PCF11: variants seen among roughly 807,000 people sequenced by gnomAD.
The protein encoded by PCF11 is PCF11 cleavage and polyadenylation factor subunit, also known as pre-mRNA cleavage complex 2 protein Pcf11.
In PCF11, 19 loss-of-function variants were observed where a neutral mutation model predicts 166.1. That is an observed-to-expected ratio of 0.11 (90% confidence interval 0.08 to 0.17). The LOEUF is 0.17. Among genes scored for constraint, PCF11 ranks in the 10% least tolerant of loss-of-function variants. The probability of loss-of-function intolerance (pLI) is 1.00; values close to 1 mark genes in which losing one functional copy is unlikely to be tolerated. For missense variants in PCF11, 1,565 were observed against 1,855.5 expected, an observed-to-expected ratio of 0.84 and a Z score of 2.88; for synonymous variants, 663 against 644.1, an observed-to-expected ratio of 1.03 and a Z score of -0.44.
rs1337539632 is a variant in PCF11, at chr11:83,167,916, A to G, written c.2092+411A>G. On this transcript the variant is annotated intron_variant, in intron 7 of 15. Coordinates refer to ENST00000298281, the Ensembl canonical transcript of PCF11. The surrounding 1 kb of genome is among the most constrained non-coding windows in gnomAD (Gnocchi z 4.2). ...TGCTAAAGGTAGAAAAAGTTAAATCAGATTATGCCTATTGAATCACACAGC... is the reference window on the plus strand; with the variant it reads ...TGCTAAAGGTAGAAAAAGTTAAATCGGATTATGCCTATTGAATCACACAGC... The G allele has an allele frequency of 7.8e-7, 1 of 1,286,494 alleles. No individual in the cohort carries two copies. Among genetic ancestry groups the G allele is most frequent in the Admixed American group, 2.4e-5 (1 of 42,524 alleles). The allele number at this position is 1,286,494 out of a possible 1,614,324, so 79.7% of individuals were successfully genotyped here. A position where few individuals can be genotyped will look rare whatever the true frequency, so the allele number is the denominator to read the frequency against.
intron 9 of PCF11, 44 bp downstream of exon 9, chr11:83,171,958 T>G (rs746509756): frequency 2.3e-5 from 20 of 885,750 alleles, no homozygotes; most frequent in Non-Finnish European, 3.6e-5. Context: ...CAAATGATTA[T>G]TGTTTTGTTG....
intron 11 of PCF11, among the ~76,000 whole-genome samples, chr11:83,178,933 C>T (rs1333117021): frequency 6.6e-6 from 1 of 151,778 alleles, no homozygotes; most frequent in African/African-American, 2.4e-5. Flanking sequence ...CAACTGTTAA[C>T]ATTTGGTGCA....
At chr11:83,159,225 A>G (rs1860131608) in intron 1 of PCF11, among the ~76,000 whole-genome samples, 1 of 152,230 alleles carries the variant, frequency 6.6e-6, no homozygotes, top group South Asian at 2.1e-4. Context: ...TGAGATTTAA[A>G]AAGGAAGCAT....
chr11:83,184,599 AG>A, intron 15 of PCF11, 79 bp from the exon 16 acceptor site: 1 of 919,658 alleles, frequency 1.1e-6, no homozygotes, highest in South Asian at 1.5e-5. Context: ...TGTTCATACA[AG>A]GGTCTTACAA....
chr11:83,157,425 G>C (rs866933522), exon 1 of PCF11: 2 of 1,603,722 alleles, frequency 1.2e-6, no homozygotes, highest in East Asian at 2.2e-5. Context: ...GACCTCGGAG[G>C]GGGGCCGCGG....
Position 83,166,724 on chromosome 11 carries a change from T to C in PCF11, c.1817+10T>C, listed in dbSNP as rs752283778. The C allele has an allele frequency of 3.8e-6, 6 of 1,570,692 alleles. No individual in the cohort carries two copies. Among genetic ancestry groups the C allele is most frequent in the Non-Finnish European group, 5.2e-6 (6 of 1,163,908 alleles). ...GGGAAGAAAATAAAAGGTATGATGT[T>C]AACATTTTAAGTCAAGTGTAGTAGT... On this transcript the variant is annotated intron_variant, in intron 5 of 15. Transcript: ENST00000298281.
chr11:83,179,905 G>A (rs1377652770), intron 11 of PCF11, among the ~76,000 whole-genome samples: 10 of 151,818 alleles, frequency 6.6e-5, no homozygotes, highest in South Asian at 2.1e-4. Flanking sequence ...GTGACAGAGC[G>A]CGAGACTCCG....
intron 1 of PCF11, among the ~76,000 whole-genome samples, chr11:83,160,322 T>G (rs1590919071): frequency 3.0e-4 from 3 of 9,932 alleles, no homozygotes; most frequent in East Asian, 1.4e-3. Flanking sequence ...ATAACCTAAG[T>G]TTTTTTTTTT....
exon 16 of PCF11, chr11:83,186,756 G>C (rs374541893): frequency 2.0e-5 from 3 of 152,220 alleles, no homozygotes; most frequent in Admixed American, 6.5e-5. Flanking sequence ...TTGTAAACAC[G>C]TAACAGCTGA....
At chr11:83,157,655 C>T (rs2135410210) in intron 1 of PCF11, 24 bp downstream of exon 1, 7 of 1,597,248 alleles carry the variant, frequency 4.4e-6, no homozygotes, top group East Asian at 2.2e-5. Flanking sequence ...CCGCAGCCTC[C>T]TATTACTTCT....
At chr11:83,161,163 A>G (rs1860238036) in intron 1 of PCF11, among the ~76,000 whole-genome samples, 164 bp from the exon 2 acceptor site, 2 of 152,210 alleles carry the variant, frequency 1.3e-5, no homozygotes, top group African/African-American at 4.8e-5. Context: ...AAGGATTGTG[A>G]GAGTTGAGAG....
rs542848071 is a variant in PCF11 at position 83,171,478 on chromosome 11, G to A, written c.3661-340G>A. Among the ~76,000 whole-genome samples the A allele has an allele frequency of 2.0e-5, 3 of 152,300 alleles. No homozygotes were observed. The South Asian group carries it at 6.2e-4, about 32-fold the overall frequency. ...AAGCACCAGCAAGGTAAAGTGACTT[G>A]TGTAAAGTAACACAGCTAGTTACCT... On this transcript the variant is annotated intron_variant, in intron 8 of 15. Transcript: ENST00000298281.
At chr11:83,173,258 C>T (rs1028309983) in intron 9 of PCF11, among the ~76,000 whole-genome samples, 1 of 152,086 alleles carries the variant, frequency 6.6e-6, no homozygotes, top group Non-Finnish European at 1.5e-5. Context: ...AGATGGAGAC[C>T]ATCCTGGCCA....
exon 11 of PCF11, chr11:83,177,744 C>T (rs1177543127): frequency 6.5e-7 from 1 of 1,542,608 alleles, no homozygotes; most frequent in Non-Finnish European, 8.8e-7. Context: ...CAGCCTCCCC[C>T]TGAAGAGGAG....
intron 11 of PCF11, 67 bp downstream of exon 11, chr11:83,177,886 T>G: frequency 1.6e-6 from 1 of 619,302 alleles, no homozygotes; most frequent in Non-Finnish European, 2.8e-6. Flanking sequence ...TAGTGGACAT[T>G]GTTACTATTA....
chr11:83,157,593 A>G (rs879353467), exon 1 of PCF11: 22 of 1,614,004 alleles, frequency 1.4e-5, no homozygotes, highest in Non-Finnish European at 1.5e-5. Context: ...GCCCTTCGCC[A>G]AGGAGATCGT....
At chr11:83,183,886 C>T (rs1028035882) in intron 15 of PCF11, among the ~76,000 whole-genome samples, 3 of 151,854 alleles carry the variant, frequency 2.0e-5, no homozygotes, top group Non-Finnish European at 2.9e-5. Flanking sequence ...CGTGGTGGCT[C>T]ATGCCTGTAA....
chr11:83,160,667 CAG>C (rs1207024785), intron 1 of PCF11, among the ~76,000 whole-genome samples: 1 of 152,112 alleles, frequency 6.6e-6, no homozygotes, highest in African/African-American at 2.4e-5. Context: ...TCCTGGTTTC[CAG>C]AGTCAAGTTC....
exon 16 of PCF11, chr11:83,185,092 T>C: frequency 2.1e-6 from 1 of 475,732 alleles, no homozygotes; most frequent in Non-Finnish European, 3.6e-6. Context: ...GTGCTTGTTG[T>C]GTGAAAGTTC....
Sources: allele counts gnomAD v4.1 joint callset (sites outside exome capture counted in the v4.1 genomes callset), GRCh38; gene constraint gnomAD v4.1.1; non-coding constraint Gnocchi (gnomAD v3.1); transcripts MANE v1.5; gene names NCBI Gene and HGNC (gene_info 2026-07-23, HGNC 2026-07-21).